RASSF2: variants seen among roughly 807,000 people sequenced by gnomAD.
RASSF2 encodes the protein Ras association domain family member 2.
Under a neutral mutation model 46.3 loss-of-function variants are expected in RASSF2, and 34 were observed. That is an observed-to-expected ratio of 0.73 (90% CI 0.56 to 0.98). The LOEUF is 0.98. RASSF2 is among the 50% of genes least tolerant of loss of function. The probability of loss-of-function intolerance (pLI) is 0.00; values close to 1 mark genes in which losing one functional copy is unlikely to be tolerated. For missense variants in RASSF2, 364 were observed against 431.2 expected (o/e 0.84, Z 1.38); for synonymous variants, 158 against 162.5 (o/e 0.97, Z 0.21).
intron 2 of RASSF2, among the ~76,000 whole-genome samples, chr20:4,802,887 TATATATATAC>T (rs1183717737): frequency 5.2e-5 from 6 of 114,582 alleles, no homozygotes; most frequent in Admixed American, 2.1e-4. Flanking sequence ...TGTGTGTATA[TATATATATAC>T]ATATATATAT....
chr20:4,820,823 T>A (rs1928642202), intron 2 of RASSF2, among the ~76,000 whole-genome samples: 1 of 152,140 alleles, frequency 6.6e-6, no homozygotes, highest in African/African-American at 2.4e-5. Flanking sequence ...GGTCACTCAG[T>A]CCATCTCCCA....
chr20:4,786,954 A>G (rs534022149), intron 10 of RASSF2, among the ~76,000 whole-genome samples: 1 of 152,106 alleles, frequency 6.6e-6, no homozygotes, highest in African/African-American at 2.4e-5. Context: ...ATGGTGGTGC[A>G]CACCTGTGGT....
At chr20:4,784,374 C>T (rs890911956) in intron 11 of RASSF2, 32 bp from the exon 12 acceptor site, 1 of 1,598,502 alleles carries the variant, frequency 6.3e-7, no homozygotes, top group Admixed American at 1.7e-5. Flanking sequence ...AGATGGAGAG[C>T]AGCCAGCAAC....
intron 2 of RASSF2, among the ~76,000 whole-genome samples, chr20:4,808,297 G>T (rs2122615404): frequency 6.6e-6 from 1 of 152,080 alleles, no homozygotes. Flanking sequence ...CTTCCCACGG[G>T]GCCTTGGGAA....
chr20:4,796,919 C>T (rs1040299342), intron 4 of RASSF2, among the ~76,000 whole-genome samples: 6 of 152,140 alleles, frequency 3.9e-5, no homozygotes, highest in Non-Finnish European at 1.5e-5. Context: ...GTTTTATGGG[C>T]TATTCAAGTG....
In RASSF2 at chr20:4,819,108, G is replaced by A. The variant is rs180850772; in HGVS notation, c.-33+3221C>T. The stretch of plus-strand genomic sequence containing the variant: ...CTCCTGAGTAGGTGGGATTACAGGC[G>A]CCCGCCACCATGCCCGGATAATTTT... On this transcript the variant is annotated intron_variant, in intron 2 of 11. Coordinates refer to ENST00000379400, the MANE Select transcript of RASSF2 (RefSeq NM_014737.3). Among the ~76,000 whole-genome samples, 102 of 152,120 alleles carry A rather than the reference G, an allele frequency of 6.7e-4. 1 individual carries two copies. Among genetic ancestry groups the A allele is most frequent in the African/African-American group, 2.4e-3 (98 of 41,504 alleles).
intron 5 of RASSF2, among the ~76,000 whole-genome samples, chr20:4,794,903 G>A (rs1926207101): frequency 6.6e-6 from 1 of 152,198 alleles, no homozygotes; most frequent in African/African-American, 2.4e-5. Flanking sequence ...TCTCTCAATT[G>A]TAGAGAAACA....
Position 4,786,173 on chromosome 20 carries a change from G to A in RASSF2, c.911+58C>T, listed in dbSNP as rs187889672. The A allele has an allele frequency of 7.4e-5, 102 of 1,387,378 alleles. 1 individual carries two copies. In the East Asian group the frequency reaches 2.3e-3, roughly 31 times the overall value. The allele number at this position is 1,387,378 out of a possible 1,614,324, so 85.9% of individuals were successfully genotyped here. ...ACAGTCCCTGCGAGGACCCAGCAGA[G>A]GCCCCTCTGTTGAGGCCCCAGGAGA... On this transcript the variant is annotated intron_variant, in intron 11 of 11. Coordinates refer to ENST00000379400, the MANE Select transcript of RASSF2 (RefSeq NM_014737.3).
chr20:4,817,401 G>A (rs1046738515), intron 2 of RASSF2, among the ~76,000 whole-genome samples: 1 of 152,166 alleles, frequency 6.6e-6, no homozygotes, highest in Admixed American at 6.6e-5. Flanking sequence ...AGCATTAAGA[G>A]TAAAATTACA....
intron 6 of RASSF2, among the ~76,000 whole-genome samples, chr20:4,791,744 G>A (rs902118931): frequency 4.6e-5 from 7 of 152,182 alleles, no homozygotes; most frequent in African/African-American, 9.7e-5. Flanking sequence ...CTGCAAACTC[G>A]TTTGTCATAG....
intron 2 of RASSF2, among the ~76,000 whole-genome samples, chr20:4,810,488 G>C (rs188246745): frequency 2.6e-5 from 4 of 152,150 alleles, no homozygotes; most frequent in East Asian, 1.9e-4. Context: ...TGATCAGGGA[G>C]CCTGGAGAAC....
chr20:4,784,083 G>A lies in RASSF2; in HGVS notation c.*190C>T. ...AAGTCCTTGTGAGCAGAAAAAAGGA[G>A]GGCAGGGGTCCAGGGATAGGGAGCT... On this transcript the variant is annotated 3_prime_UTR_variant, in exon 12 of 12. Coordinates refer to ENST00000379400, the MANE Select transcript of RASSF2 (RefSeq NM_014737.3). 2 of 616,828 alleles carry A rather than the reference G, an allele frequency of 3.2e-6. No homozygotes were observed. Among genetic ancestry groups the A allele is most frequent in the Non-Finnish European group, 5.8e-6 (2 of 344,780 alleles). The allele number at this position is 616,828 out of a possible 1,614,324, so 38.2% of individuals were successfully genotyped here. A position where few individuals can be genotyped will look rare whatever the true frequency, so the allele number is the denominator to read the frequency against.
At chr20:4,785,320 CAG>C (rs1321589879) in intron 11 of RASSF2, among the ~76,000 whole-genome samples, 2 of 152,090 alleles carry the variant, frequency 1.3e-5, no homozygotes, top group Non-Finnish European at 2.9e-5. Flanking sequence ...GCCTGAGCAA[CAG>C]AGCAAGACTC....
chr20:4,792,686 G>A (rs55990291), intron 5 of RASSF2, 59 bp from the exon 6 acceptor site: 146 of 1,572,310 alleles, frequency 9.3e-5, no homozygotes, highest in Admixed American at 5.4e-4. Context: ...GTGGAGAGAC[G>A]CCCCCGCACC....
chr20:4,801,058 G>A lies in RASSF2; in HGVS notation c.-28C>T. 3 of 1,612,014 alleles carry A rather than the reference G, an allele frequency of 1.9e-6. No individual in the cohort carries two copies. The South Asian group carries it at 3.3e-5, about 18-fold the overall frequency. ...TTCCTTTCTCTTTTCATCGGAAGGAGAGGCCTACATTTGGAAGGAGAAGAC... is the reference window on the plus strand; with the variant it reads ...TTCCTTTCTCTTTTCATCGGAAGGAAAGGCCTACATTTGGAAGGAGAAGAC... On this transcript the variant is annotated 5_prime_UTR_variant, in exon 3 of 12. Transcript: ENST00000379400.
At chr20:4,807,448 A>G (rs1927430632) in intron 2 of RASSF2, among the ~76,000 whole-genome samples, 1 of 152,234 alleles carries the variant, frequency 6.6e-6, no homozygotes, top group Non-Finnish European at 1.5e-5. Flanking sequence ...AGCTTTAATA[A>G]ATCAGTAAGA....
intron 2 of RASSF2, among the ~76,000 whole-genome samples, chr20:4,811,425 G>A (rs1927800038): frequency 6.6e-6 from 1 of 152,046 alleles, no homozygotes; most frequent in Non-Finnish European, 1.5e-5. Flanking sequence ...CTAGGGGAGG[G>A]GCCCAGGCAG....
intron 7 of RASSF2, 68 bp from the exon 8 acceptor site, chr20:4,789,765 G>T: frequency 7.6e-7 from 1 of 1,311,272 alleles, no homozygotes; most frequent in Non-Finnish European, 1.1e-6. Flanking sequence ...ATCCAGGTGC[G>T]GTACAGGGCA....
chr20:4,814,739 G>T (rs1189342604), intron 2 of RASSF2, among the ~76,000 whole-genome samples: 1 of 152,176 alleles, frequency 6.6e-6, no homozygotes, highest in East Asian at 1.9e-4. Flanking sequence ...CGTGTGCGGG[G>T]AAATTCCCCG....
Sources: allele counts gnomAD v4.1 joint callset (sites outside exome capture counted in the v4.1 genomes callset), GRCh38; gene constraint gnomAD v4.1.1; transcripts MANE v1.5; gene names NCBI Gene and HGNC (gene_info 2026-07-23, HGNC 2026-07-21).